MOGS: variants seen among roughly 807,000 people sequenced by gnomAD.
The protein encoded by MOGS is epididymis secretory sperm binding protein.
A neutral mutation model predicts 68.5 loss-of-function variants in MOGS; 45 were observed. The observed-to-expected ratio is 0.66, with a 90% CI of 0.52 to 0.84. The LOEUF is 0.84. Ranked by LOEUF, MOGS falls within the 40% of genes least tolerant of loss-of-function variation. MOGS has a pLI of 0.00. For synonymous variants in MOGS, 492 were observed against 461.2 expected (o/e 1.07, Z -0.86); for missense variants, 1,020 against 1,095.0 (o/e 0.93, Z 0.97).
Position 74,462,335 on chromosome 2 carries a change from C to T in MOGS, c.1454G>A (p.Gly485Glu). 6.2e-7 allele frequency: 1 copy of T among 1,614,044 alleles called. No homozygotes were observed. The highest frequency in any genetic ancestry group is 8.5e-7 in the Non-Finnish European group (1 of 1,180,000). ...CTCATCCCCCAGTATCTGCTCCCTCCCAATCCAGCCATCAGCATTTAGCAG... is the reference window on the plus strand; with the variant it reads ...CTCATCCCCCAGTATCTGCTCCCTCTCAATCCAGCCATCAGCATTTAGCAG... ...LGLLNADGWI[G>E]REQILGDEAR... The change falls in exon 4 of 4, where the codon GGG becomes GAG. Residue 485 changes from glycine (G) to glutamate (E), a missense_variant. Physicochemically the swap from Gly to Glu is moderately conservative, Grantham distance 98 (BLOSUM62 -2). This residue lies in a region of MOGS where 181 missense variants were observed against 261.8 expected (regional missense o/e 0.69). Coordinates refer to ENST00000448666, the MANE Select transcript of MOGS (RefSeq NM_006302.3).
chr2:74,462,174 G>A lies in MOGS; in HGVS notation c.1615C>T (p.Pro539Ser). The stretch of plus-strand genomic sequence containing the variant: ...CAGGAAAACCAGGCATGCAGGCGGG[G>A]CAAGGCCTTTCGGAGGAAAGCCAAG... ...DDLAFLRKAL[P>S]RLHAWFSWLH... Residue 539 changes from proline to serine, a missense_variant, in exon 4 of 4, where the codon CCC becomes TCC. By Grantham distance (74) the Pro-to-Ser change is moderately conservative. Around this residue, in one of 3 missense-constraint regions of MOGS, gnomAD observed 181 missense variants for 261.8 expected, o/e 0.69. Coordinates refer to ENST00000448666, the MANE Select transcript of MOGS (RefSeq NM_006302.3). 8 of 1,614,162 alleles carry A rather than the reference G, an allele frequency of 5.0e-6. No individual in the cohort carries two copies. Among genetic ancestry groups the A allele is most frequent in the Non-Finnish European group, 6.8e-6 (8 of 1,179,988 alleles).
rs558187098 is a variant in MOGS at position 74,461,454 on chromosome 2, G to A, written c.2335C>T (p.Arg779Trp). ...YGHLEGPHQA[R>W]AAKLHGELRA... is the part of the protein sequence containing the mutation. ...AGCTCACCGTGGAGTTTGGCAGCCC[G>A]AGCCTGGTGAGGACCCTCCAGATGC... The change falls in exon 4 of 4, where the codon CGG becomes TGG. Residue 779 changes from arginine (R) to tryptophan (W), a missense_variant. By Grantham distance (101) the Arg-to-Trp change is moderately radical. This residue lies in a region of MOGS where 270 missense variants were observed against 261.3 expected (regional missense o/e 1.03). Coordinates refer to ENST00000448666, the MANE Select transcript of MOGS (RefSeq NM_006302.3). 8.1e-6 allele frequency: 13 copies of A among 1,614,204 alleles called. No individual in the cohort carries two copies. Among genetic ancestry groups the A allele is most frequent in the East Asian group, 4.5e-5 (2 of 44,894 alleles).
In MOGS at chr2:74,461,330, C is replaced by T. The variant is rs927055001; in HGVS notation, c.2459G>A (p.Arg820His). Residue 820 changes from arginine to histidine, a missense_variant, in exon 4 of 4, where the codon CGC becomes CAC. Transcript: ENST00000448666. Reference sequence around the variant, plus strand: ...AAGGCTGGTCCAGCCGTGGAAAGGGCGGCAGCCCATGCCTCGCCCATCGCG... The same window carrying T: ...AAGGCTGGTCCAGCCGTGGAAAGGGTGGCAGCCCATGCCTCGCCCATCGCG... The part of the protein sequence containing the change: ...SDRDGRGMGC[R>H]PFHGWTSLVL... The T allele has an allele frequency of 1.2e-5, 19 of 1,613,974 alleles. No homozygotes were observed. In the East Asian group the frequency reaches 2.2e-4, roughly 19 times the overall value.
Position 74,461,469 on chromosome 2 carries a change from C to G in MOGS, c.2320G>C (p.Gly774Arg), listed in dbSNP as rs546754546. The change falls in exon 4 of 4, where the codon GGT (glycine) becomes CGT (arginine). Residue 774 changes from glycine to arginine, a missense_variant. Around this residue, in one of 3 missense-constraint regions of MOGS, gnomAD observed 270 missense variants for 261.3 expected, o/e 1.03. Coordinates refer to ENST00000448666, the MANE Select transcript of MOGS (RefSeq NM_006302.3). The part of the protein sequence containing the change: ...GALHHYGHLE[G>R]PHQARAAKLH... ...TTGGCAGCCCGAGCCTGGTGAGGAC[C>G]CTCCAGATGCCCATAGTGGTGGAGT... is the stretch of plus-strand genomic sequence containing the variant. The G allele has an allele frequency of 6.2e-7, 1 of 1,614,176 alleles. No homozygotes were observed. Among genetic ancestry groups the G allele is most frequent in the South Asian group, 1.1e-5 (1 of 91,084 alleles).
In MOGS at chr2:74,464,558, C is replaced by G. The variant is rs774575750; in HGVS notation, c.517G>C (p.Val173Leu). Reference sequence around the variant, plus strand: ...CCGTGCTGACCCCCAGGCCTCTTGACGAACTCAGTGGTGAGCCTTAAGGCC... The same window carrying G: ...CCGTGCTGACCCCCAGGCCTCTTGAGGAACTCAGTGGTGAGCCTTAAGGCC... ...DGALRLTTEF[V>L]KRPGGQHGGD... Residue 173 changes from valine to leucine, a missense_variant, in exon 2 of 4, where the codon GTC (valine) becomes CTC (leucine). Transcript: ENST00000448666. The G allele has an allele frequency of 1.9e-6, 3 of 1,614,144 alleles. No individual in the cohort carries two copies. Among genetic ancestry groups the G allele is most frequent in the Admixed American group, 1.7e-5 (1 of 60,020 alleles).
intron 2 of MOGS, 93 bp downstream of exon 2, chr2:74,464,403 G>T: frequency 8.0e-7 from 1 of 1,252,676 alleles, no homozygotes. Flanking sequence ...ATTTAAGCCA[G>T]GCAGCCAGAG....
Position 74,461,511 on chromosome 2 carries a change from A to C in MOGS, c.2278T>G (p.Tyr760Asp). ...TGGTGGAGTGCTCCCAAAGCCAGGTAGTTGACATTGAGCCACACAGCACCC... is the reference window on the plus strand; with the variant it reads ...TGGTGGAGTGCTCCCAAAGCCAGGTCGTTGACATTGAGCCACACAGCACCC... ...WRGAVWLNVN[Y>D]LALGALHHYG... Residue 760 changes from tyrosine (Y) to aspartate (D), a missense_variant, in exon 4 of 4, where the codon TAC (tyrosine) becomes GAC (aspartate). Coordinates refer to ENST00000448666, the MANE Select transcript of MOGS (RefSeq NM_006302.3). 8 of 1,613,990 alleles carry C rather than the reference A, an allele frequency of 5.0e-6. No homozygotes were observed. Among genetic ancestry groups the C allele is most frequent in the Non-Finnish European group, 5.9e-6 (7 of 1,179,926 alleles).
chr2:74,465,166 CG>C lies in MOGS; in HGVS notation c.81del (p.Arg29AspfsTer79). 1 of 1,531,146 alleles carries C rather than the reference CG, an allele frequency of 6.5e-7. No individual in the cohort carries two copies. Among genetic ancestry groups the C allele is most frequent in the South Asian group, 1.2e-5 (1 of 83,630 alleles). 94.8% of individuals were successfully genotyped at this position (1,531,146 alleles called of 1,614,324 possible). A position where few individuals can be genotyped will look rare whatever the true frequency, so the allele number is the denominator to read the frequency against. The stretch of plus-strand genomic sequence containing the variant: ...CCGCCGCCCCGGCCGTCCCGTCGCC[CG>C]GGGCCTCCCCGAGCCGCCCTCTCGG... The part of the protein sequence containing the change: ...RTAERAARGG[P>X]GRRDGRGGGP... On this transcript the variant is annotated frameshift_variant, in exon 1 of 4. Coordinates refer to ENST00000448666, the MANE Select transcript of MOGS (RefSeq NM_006302.3). LOFTEE classifies it high-confidence loss of function.
At chr2:74,464,452 T>A in intron 2 of MOGS, 44 bp downstream of exon 2, 1 of 1,593,768 alleles carries the variant, frequency 6.3e-7, no homozygotes, top group Non-Finnish European at 8.6e-7. Context: ...AAGGGAAGGA[T>A]GGAGGGGGTC....
rs1672025978 is a variant in MOGS, at chr2:74,465,000, G to A, written c.248C>T (p.Ala83Val). The change falls in exon 1 of 4, where the codon GCC becomes GTC. Residue 83 changes from alanine (A) to valine (V), a missense_variant. By Grantham distance (64) the Ala-to-Val change is moderately conservative. Around this residue, in one of 3 missense-constraint regions of MOGS, gnomAD observed 569 missense variants for 571.9 expected, o/e 0.99. Coordinates refer to ENST00000448666, the MANE Select transcript of MOGS (RefSeq NM_006302.3). ...GGCCACGGCGGGGCTGGAGGAGTCGGCAGGCAACACAGGAGGCGCGGAGTG... is the reference window on the plus strand; with the variant it reads ...GGCCACGGCGGGGCTGGAGGAGTCGACAGGCAACACAGGAGGCGCGGAGTG... ...TLHSAPPVLP[A>V]DSSSPAVAPD... 7 of 1,557,210 alleles carry A rather than the reference G, an allele frequency of 4.5e-6. 1 individual carries two copies. In the South Asian group the frequency reaches 7.1e-5, roughly 16 times the overall value.
chr2:74,463,308 C>G lies in MOGS; in HGVS notation c.658G>C (p.Glu220Gln). ...TTCAACTGCCCCTTGGCCCCAACCT[C>G]TGGTAGTAGGACTTCCTTGCCATCT... ...VTDGKEVLLP[E>Q]VGAKGQLKFI... is the part of the protein sequence containing the mutation. The change falls in exon 3 of 4, where the codon GAG becomes CAG. Residue 220 changes from glutamate to glutamine, a missense_variant. Glu to Gln is a conservative substitution (Grantham distance 29). Around this residue, in one of 3 missense-constraint regions of MOGS, gnomAD observed 569 missense variants for 571.9 expected, o/e 0.99. Transcript: ENST00000448666. 6.2e-7 allele frequency: 1 copy of G among 1,614,206 alleles called. No individual in the cohort carries two copies. Among genetic ancestry groups the G allele is most frequent in the African/African-American group, 1.3e-5 (1 of 75,048 alleles).
rs1671945645 is a variant in MOGS, at chr2:74,462,450, C to T, written c.1339G>A (p.Gly447Ser). 1.2e-6 allele frequency: 2 copies of T among 1,611,978 alleles called. No homozygotes were observed. The highest frequency in any genetic ancestry group is 2.7e-5 in the African/African-American group (2 of 74,852). ...AVPSRSFFPR[G>S]FLWDEGFHQL... ...TGAAAGCCTTCATCCCAAAGGAAGC[C>T]TCGTGGGAAGAATGACCGGGAGGGC... is the stretch of plus-strand genomic sequence containing the variant. The change falls in exon 4 of 4, where the codon GGC (glycine) becomes AGC (serine). Residue 447 changes from glycine to serine, a missense_variant. By Grantham distance (56) the Gly-to-Ser change is moderately conservative. This residue lies in a region of MOGS where 181 missense variants were observed against 261.8 expected (regional missense o/e 0.69). Transcript: ENST00000448666.
chr2:74,461,552 T>C lies in MOGS; in HGVS notation c.2237A>G (p.Asp746Gly), dbSNP rs190169516. ...SFYGQRNSEH[D>G]PPYWRGAVWL... ...CACAGCACCCCGCCAGTAGGGGGGA[T>C]CATGCTCTGAATTGCGCTGGCCATA... Residue 746 changes from aspartate (D) to glycine (G), a missense_variant, in exon 4 of 4, where the codon GAT (aspartate) becomes GGT (glycine). Asp to Gly is a moderately conservative substitution (Grantham distance 94). Transcript: ENST00000448666. 6 of 1,613,980 alleles carry C rather than the reference T, an allele frequency of 3.7e-6. No homozygotes were observed. The highest frequency in any genetic ancestry group is 5.1e-6 in the Non-Finnish European group (6 of 1,179,934).
Position 74,464,906 on chromosome 2 carries a change from G to A in MOGS, c.342C>T (p.Pro114=). The A allele has an allele frequency of 6.2e-7, 1 of 1,605,478 alleles. No individual in the cohort carries two copies. Among genetic ancestry groups the A allele is most frequent in the Non-Finnish European group, 8.5e-7 (1 of 1,175,694 alleles). ...YFGMKTRSPK[P]LLTGLMWAQQ... ...CTGGGGCCCGGTTACCGGTGAGGAG[G>A]GGCTTCGGGCTGCGGGTCTTCATGC... The change falls in exon 1 of 4, where the codon CCC becomes CCT. Residue 114 remains proline (P), a synonymous_variant. Coordinates refer to ENST00000448666, the MANE Select transcript of MOGS (RefSeq NM_006302.3).
chr2:74,462,163 A>T lies in MOGS; in HGVS notation c.1626T>A (p.His542Gln). The part of the protein sequence containing the change: ...AFLRKALPRL[H>Q]AWFSWLHQSQ... ...TCTGATGGAGCCAGGAAAACCAGGCATGCAGGCGGGGCAAGGCCTTTCGGA... is the reference window on the plus strand; with the variant it reads ...TCTGATGGAGCCAGGAAAACCAGGCTTGCAGGCGGGGCAAGGCCTTTCGGA... The change falls in exon 4 of 4, where the codon CAT (histidine) becomes CAA (glutamine). Residue 542 changes from histidine (H) to glutamine (Q), a missense_variant. By Grantham distance (24) the His-to-Gln change is conservative. This residue lies in a region of MOGS where 181 missense variants were observed against 261.8 expected (regional missense o/e 0.69). Coordinates refer to ENST00000448666, the MANE Select transcript of MOGS (RefSeq NM_006302.3). The T allele has an allele frequency of 6.2e-7, 1 of 1,614,162 alleles. No individual in the cohort carries two copies. The highest frequency in any genetic ancestry group is 8.5e-7 in the Non-Finnish European group (1 of 1,179,974).
intron 2 of MOGS, 30 bp from the exon 3 acceptor site, chr2:74,463,416 A>C: frequency 6.2e-7 from 1 of 1,604,280 alleles, no homozygotes. Context: ...AGAAAAGAAC[A>C]GTGTTAGATT....
chr2:74,464,467 C>A, intron 2 of MOGS, 29 bp downstream of exon 2: 1 of 1,609,004 alleles, frequency 6.2e-7, no homozygotes, highest in South Asian at 1.1e-5. Context: ...GGGGTCTGGG[C>A]TGAGAAAAGG....
rs1671983338 is a variant in MOGS at position 74,463,343 on chromosome 2, TAGA to T, written c.620_622del (p.Phe207del). The T allele has an allele frequency of 6.2e-7, 1 of 1,614,142 alleles. No homozygotes were observed. Among genetic ancestry groups the T allele is most frequent in the South Asian group, 1.1e-5 (1 of 91,082 alleles). Reference sequence around the variant, plus strand: ...GACTTCCTTGCCATCTGTCACCACATAGAAGAACAGGGAGACCAAAGGGAGGGC... The same window carrying T: ...GACTTCCTTGCCATCTGTCACCACATAGAACAGGGAGACCAAAGGGAGGGC... On this transcript the variant is annotated inframe_deletion, in exon 3 of 4. Coordinates refer to ENST00000448666, the MANE Select transcript of MOGS (RefSeq NM_006302.3).
At position 74,461,103 on chromosome 2, in the gene MOGS, G is replaced by C. The variant is rs995132210; in HGVS notation, c.*172C>G. ...CAATTTATTTAGAAAAATAGACTCT[G>C]GATTCACATTCACCCCAGGGCTATG... is the stretch of plus-strand genomic sequence containing the variant. On this transcript the variant is annotated 3_prime_UTR_variant, in exon 4 of 4. Coordinates refer to ENST00000448666, the MANE Select transcript of MOGS (RefSeq NM_006302.3). 2.7e-6 allele frequency: 2 copies of C among 740,482 alleles called. No homozygotes were observed. Among genetic ancestry groups the C allele is most frequent in the African/African-American group, 3.6e-5 (2 of 56,226 alleles). The allele number at this position is 740,482 out of a possible 1,614,324, so 45.9% of individuals were successfully genotyped here.
Sources: allele counts gnomAD v4.1 joint callset, GRCh38; gene constraint gnomAD v4.1.1; regional missense constraint gnomAD v4.1.1; transcripts MANE v1.5; gene names NCBI Gene and HGNC (gene_info 2026-07-23, HGNC 2026-07-21).